The following GATAD2B variants were observed in gnomAD, a reference collection of about 807,000 sequenced individuals.
GATAD2B encodes transcriptional repressor p66-beta.
Under a neutral mutation model 64.3 loss-of-function variants are expected in GATAD2B, and 8 were observed. The ratio of observed to expected loss-of-function variants is 0.12; its 90% CI spans 0.07 to 0.22. The LOEUF (loss-of-function observed/expected upper bound fraction) is 0.22, where lower values mean the gene tolerates loss of function less well. Ranked by LOEUF, GATAD2B falls within the 10% of genes least tolerant of loss-of-function variation. GATAD2B has a pLI of 1.00. For missense variants in GATAD2B, 453 were observed against 752.0 expected (o/e 0.60, Z 4.65); for synonymous variants, 281 against 271.3 (o/e 1.04, Z -0.35).
intron 1 of GATAD2B, among the ~76,000 whole-genome samples, chr1:153,842,745 C>T (rs1321811145): frequency 8.7e-5 from 13 of 149,876 alleles, no homozygotes; most frequent in Admixed American, 2.0e-4. Flanking sequence ...CTCCGCCTCC[C>T]GGGTTCAAGC....
rs189050587 is a variant in GATAD2B, at chr1:153,834,917, C to T, written c.-1-6569G>A. On this transcript the variant is annotated intron_variant, in intron 1 of 10. Transcript: ENST00000368655. The stretch of plus-strand genomic sequence containing the variant: ...GGAGGATCACTTGAGCCCAGGAGTT[C>T]GAGACCAACCTGGACAACAAAGTGA... 4.4e-4 allele frequency among the ~76,000 whole-genome samples: 67 copies of T among 151,492 alleles called. No individual in the cohort carries two copies. In the East Asian group the frequency reaches 0.01, roughly 23 times the overall value.
At chr1:153,834,373 T>A (rs1179639934) in intron 1 of GATAD2B, among the ~76,000 whole-genome samples, 4 of 151,992 alleles carry the variant, frequency 2.6e-5, no homozygotes, top group Non-Finnish European at 5.9e-5. Flanking sequence ...CAGGAGGAAG[T>A]AAAACTATTA....
At chr1:153,897,434 T>G (rs1677630805) in intron 1 of GATAD2B, among the ~76,000 whole-genome samples, 1 of 152,206 alleles carries the variant, frequency 6.6e-6, no homozygotes, top group African/African-American at 2.4e-5. Flanking sequence ...GAGAACAGAA[T>G]GATCTTATGC....
intron 1 of GATAD2B, among the ~76,000 whole-genome samples, chr1:153,858,663 A>G (rs1676169415): frequency 6.6e-6 from 1 of 152,170 alleles, no homozygotes; most frequent in Admixed American, 6.5e-5. Context: ...GGGTCTATGT[A>G]AAGGCTGAAG....
At chr1:153,869,799 A>G (rs374808530) in intron 1 of GATAD2B, among the ~76,000 whole-genome samples, 2 of 152,128 alleles carry the variant, frequency 1.3e-5, no homozygotes. Flanking sequence ...CTATATTTGC[A>G]TATGTGTGTA....
intron 1 of GATAD2B, among the ~76,000 whole-genome samples, chr1:153,838,685 G>C (rs1419263889): frequency 6.6e-6 from 1 of 152,110 alleles, no homozygotes; most frequent in Non-Finnish European, 1.5e-5. Context: ...TACATTCAGA[G>C]GAAGAAAATA....
intron 1 of GATAD2B, among the ~76,000 whole-genome samples, chr1:153,831,224 C>A (rs7552476): frequency 0.024 from 3,696 of 152,230 alleles, 76 homozygotes; most frequent in Non-Finnish European, 0.041. Flanking sequence ...TCTCAGCAAA[C>A]TAACAAAGGA....
At chr1:153,911,400 C>CTAAGCAG (rs1259768521) in intron 1 of GATAD2B, among the ~76,000 whole-genome samples, 14 of 152,170 alleles carry the variant, frequency 9.2e-5, no homozygotes, top group African/African-American at 2.9e-4. Context: ...TAAAGATTTA[C>CTAAGCAG]TAAGCAGTGC....
chr1:153,845,351 T>TGCCTGGAC (rs1675645141), intron 1 of GATAD2B, among the ~76,000 whole-genome samples: 1 of 150,696 alleles, frequency 6.6e-6, no homozygotes, highest in African/African-American at 2.4e-5. Context: ...ACTGAACTCC[T>TGCCTGGAC]GCCTGGACAA....
chr1:153,818,738 C>T lies in GATAD2B; in HGVS notation c.597+53G>A, dbSNP rs1028047561. ...GAACCTACCTGGGGGAACCTACTCT[C>T]AAACCAGTTTTTCTTTCCTTTCCCT... On this transcript the variant is annotated intron_variant, in intron 4 of 10. Transcript: ENST00000368655. 26 of 1,578,098 alleles carry T rather than the reference C, an allele frequency of 1.6e-5. No homozygotes were observed. In the African/African-American group the frequency reaches 2.3e-4, roughly 14 times the overall value.
intron 1 of GATAD2B, among the ~76,000 whole-genome samples, chr1:153,830,754 C>T (rs1570940340): frequency 6.6e-6 from 1 of 151,930 alleles, no homozygotes; most frequent in East Asian, 1.9e-4. Flanking sequence ...GGATTACAGG[C>T]GTGAGCCACC....
intron 1 of GATAD2B, among the ~76,000 whole-genome samples, chr1:153,840,536 T>G (rs1408574527): frequency 6.8e-6 from 1 of 146,530 alleles, no homozygotes; most frequent in Non-Finnish European, 1.5e-5. Context: ...AGGGTTTCTC[T>G]GTGTTGGTGA....
chr1:153,837,330 A>AAAG (rs1675301471), intron 1 of GATAD2B, among the ~76,000 whole-genome samples: 1 of 150,778 alleles, frequency 6.6e-6, no homozygotes, highest in Non-Finnish European at 1.5e-5. Context: ...CTTATCTCAA[A>AAAG]AACAACAACA....
intron 1 of GATAD2B, among the ~76,000 whole-genome samples, chr1:153,909,374 G>A (rs913363252): frequency 2.6e-5 from 4 of 151,806 alleles, no homozygotes; most frequent in African/African-American, 4.8e-5. Flanking sequence ...CCACCATGAC[G>A]ACTAATTTTT....
At chr1:153,909,096 T>C (rs1557833148) in intron 1 of GATAD2B, among the ~76,000 whole-genome samples, 1 of 152,132 alleles carries the variant, frequency 6.6e-6, no homozygotes, top group East Asian at 1.9e-4. Flanking sequence ...TCTCAGCTAC[T>C]TGGGAGACTA....
chr1:153,884,158 G>A (rs946640151), intron 1 of GATAD2B, among the ~76,000 whole-genome samples: 2 of 151,736 alleles, frequency 1.3e-5, no homozygotes, highest in African/African-American at 2.4e-5. Flanking sequence ...TTAGCCTGGC[G>A]TTGCAGGCAC....
intron 4 of GATAD2B, 123 bp downstream of exon 4, chr1:153,818,668 A>C (rs1427716258): frequency 1.2e-6 from 1 of 844,354 alleles, no homozygotes; most frequent in African/African-American, 1.7e-5. Context: ...CTACTACTAC[A>C]GACTAAAAAA....
At chr1:153,840,954 T>C (rs1038246281) in intron 1 of GATAD2B, among the ~76,000 whole-genome samples, 21 of 151,802 alleles carry the variant, frequency 1.4e-4, no homozygotes, top group Admixed American at 1.1e-3. Flanking sequence ...TGAAACCCCG[T>C]CTCTACTAAA....
chr1:153,826,436 C>G (rs924515685), intron 2 of GATAD2B, among the ~76,000 whole-genome samples: 1 of 151,942 alleles, frequency 6.6e-6, no homozygotes, highest in Non-Finnish European at 1.5e-5. Context: ...CGAGACCAGC[C>G]GGGCTACCAT....
Sources: allele counts gnomAD v4.1 joint callset (sites outside exome capture counted in the v4.1 genomes callset), GRCh38; gene constraint gnomAD v4.1.1; transcripts MANE v1.5; gene names NCBI Gene and HGNC (gene_info 2026-07-23, HGNC 2026-07-21).